The following WDPCP variants were observed in gnomAD, a reference collection of about 807,000 sequenced individuals.
The protein encoded by WDPCP is WD repeat containing planar cell polarity effector.
A neutral mutation model predicts 93.1 loss-of-function variants in WDPCP; 71 were observed. The observed-to-expected ratio is 0.76, with a 90% confidence interval of 0.63 to 0.93. The LOEUF is 0.93. Among genes scored for constraint, WDPCP ranks in the 40% least tolerant of loss-of-function variants. WDPCP has a pLI of 0.00. For synonymous variants in WDPCP, 315 were observed against 315.0 expected, an observed-to-expected ratio of 1.00 and a Z score of 0.00; for missense variants, 844 against 887.4, an observed-to-expected ratio of 0.95 and a Z score of 0.62.
upstream of WDPCP, among the ~76,000 whole-genome samples, chr2:63,592,657 G>A (rs1369985184): frequency 6.6e-6 from 1 of 152,224 alleles, no homozygotes. Flanking sequence ...GCCTGAAATA[G>A]CTTAAATAAA....
At chr2:63,589,114 T>G, upstream of WDPCP, 1 of 1,614,116 alleles carries the variant, frequency 6.2e-7, no homozygotes, top group Non-Finnish European at 8.5e-7. Context: ...TTCTTGCACT[T>G]TAGGGACTTT....
At chr2:63,443,841 G>A (rs1217120112) in intron 6 of WDPCP, among the ~76,000 whole-genome samples, 2 of 152,134 alleles carry the variant, frequency 1.3e-5, no homozygotes, top group Non-Finnish European at 2.9e-5. Flanking sequence ...TGTGGCACAT[G>A]AGAGAAAGAC....
At chr2:63,588,979 A>G (rs1709079172), upstream of WDPCP, 2 of 1,613,090 alleles carry the variant, frequency 1.2e-6, no homozygotes. Flanking sequence ...GTTCCGCGGT[A>G]GAGGTGACCT....
intron 12 of WDPCP, among the ~76,000 whole-genome samples, chr2:63,352,435 G>A (rs1159462597): frequency 1.3e-5 from 2 of 152,184 alleles, no homozygotes; most frequent in East Asian, 1.9e-4. Context: ...ATAAATTAAT[G>A]TATGGCAATA....
chr2:63,776,074 TATAC>T (rs59262674), intron 2 of WDPCP, among the ~76,000 whole-genome samples: 8,417 of 146,860 alleles, frequency 0.057, 248 homozygotes, highest in Non-Finnish European at 0.07. Context: ...TAAATACACA[TATAC>T]ATACATACAT....
rs1322667501 is a variant in WDPCP, at chr2:63,279,259, A to G, written c.1813-19850T>C. On this transcript the variant is annotated intron_variant, in intron 13 of 17. Coordinates refer to ENST00000272321, the MANE Select transcript of WDPCP (RefSeq NM_015910.7). ...ATAAAATACTAGCTAATTGAATCCA[A>G]CAGCCTATCAAAAAGATAATCCACC... is the stretch of plus-strand genomic sequence containing the variant. 2.0e-5 allele frequency among the ~76,000 whole-genome samples: 3 copies of G among 152,350 alleles called. No homozygotes were observed. In the East Asian group the frequency reaches 5.8e-4, roughly 29 times the overall value.
Position 63,174,744 on chromosome 2 carries a change from T to C in WDPCP, c.2004A>G (p.Pro668=), listed in dbSNP as rs542261088. The part of the protein sequence containing the change: ...SLAPQGEDSF[P]DNLPPSCPTH... ...TTGGGCAAGAGGGAGGGAGGTTATC[T>C]GGAAATGAGTCTTCTCCTTGAGGTG... is the stretch of plus-strand genomic sequence containing the variant. Residue 668 remains proline (P), a synonymous_variant, in exon 15 of 18, where the codon CCA becomes CCG. Coordinates refer to ENST00000272321, the MANE Select transcript of WDPCP (RefSeq NM_015910.7). The C allele has an allele frequency of 1.4e-5, 23 of 1,613,908 alleles. No homozygotes were observed. The highest frequency in any genetic ancestry group is 1.9e-5 in the Non-Finnish European group (22 of 1,179,956).
At chr2:63,215,123 C>T (rs1191930240) in intron 14 of WDPCP, among the ~76,000 whole-genome samples, 1 of 152,164 alleles carries the variant, frequency 6.6e-6, no homozygotes, top group Non-Finnish European at 1.5e-5. Context: ...GAAAAAACTA[C>T]TTTAAAGTTC....
At position 63,153,493 on chromosome 2, in the gene WDPCP, AC is replaced by A; in HGVS notation, c.2158+1del. On this transcript the variant is annotated splice_donor_variant, in intron 16 of 17. Coordinates refer to ENST00000272321, the MANE Select transcript of WDPCP (RefSeq NM_015910.7). LOFTEE classifies it high-confidence loss of function. ...ATACTTGGGTGTCTTGAATACCATTACCTTCTGCATTACAGGTATTAGTCAT... is the reference window on the plus strand; with the variant it reads ...ATACTTGGGTGTCTTGAATACCATTACTTCTGCATTACAGGTATTAGTCAT... 1 of 1,609,172 alleles carries A rather than the reference AC, an allele frequency of 6.2e-7. No homozygotes were observed. Among genetic ancestry groups the A allele is most frequent in the Non-Finnish European group, 8.5e-7 (1 of 1,176,096 alleles).
At chr2:63,742,149 A>G (rs990063665) in intron 2 of WDPCP, among the ~76,000 whole-genome samples, 1 of 151,978 alleles carries the variant, frequency 6.6e-6, no homozygotes. Flanking sequence ...CCCTATCTCT[A>G]ATAGTTCATC....
chr2:63,818,967 C>T lies in WDPCP; in HGVS notation n.223-5260G>A, dbSNP rs185700566. Among the ~76,000 whole-genome samples the T allele has an allele frequency of 5.3e-5, 8 of 152,108 alleles. 1 individual carries two copies. Among genetic ancestry groups the T allele is most frequent in the Middle Eastern group, 3.4e-3 (1 of 294 alleles). ...ACATATAAATATACATAAATACAAA[C>T]GTCTCTTGATATATATTTACTATAA... On this transcript the variant is annotated intron_variant and non_coding_transcript_variant, in intron 1 of 4. Transcript: ENST00000467687.
chr2:63,601,705 C>A (rs1438178621), intron 3 of WDPCP, among the ~76,000 whole-genome samples: 2 of 152,098 alleles, frequency 1.3e-5, no homozygotes, highest in Non-Finnish European at 2.9e-5. Context: ...GCAACAAGAA[C>A]AAAGGAAGGC....
intron 14 of WDPCP, among the ~76,000 whole-genome samples, chr2:63,204,166 C>A (rs550755293): frequency 1.3e-5 from 2 of 152,232 alleles, no homozygotes; most frequent in East Asian, 3.9e-4. Flanking sequence ...ACATTCCCAC[C>A]AACAGTGTAT....
intron 14 of WDPCP, among the ~76,000 whole-genome samples, chr2:63,223,573 C>G (rs913899798): frequency 1.3e-5 from 2 of 152,042 alleles, no homozygotes; most frequent in Admixed American, 6.6e-5. Flanking sequence ...GTGAATTCTG[C>G]GAAACATAAG....
intron 3 of WDPCP, among the ~76,000 whole-genome samples, chr2:63,614,765 G>A (rs1010759674): frequency 2.0e-5 from 3 of 152,148 alleles, no homozygotes; most frequent in African/African-American, 7.2e-5. Flanking sequence ...CCATACCTTG[G>A]AGGATGAAAT....
intron 6 of WDPCP, among the ~76,000 whole-genome samples, 183 bp downstream of exon 6, chr2:63,484,421 G>A (rs1351914343): frequency 6.6e-6 from 1 of 151,986 alleles, no homozygotes; most frequent in African/African-American, 2.4e-5. Flanking sequence ...ACTGATTAAT[G>A]AGCCTGGTGG....
At chr2:63,581,147 AT>A (rs747710321) in intron 1 of WDPCP, among the ~76,000 whole-genome samples, 5 of 152,238 alleles carry the variant, frequency 3.3e-5, no homozygotes, top group Non-Finnish European at 5.9e-5. Context: ...CGTAGAAGGC[AT>A]ACAAAGCTGT....
chr2:63,622,089 G>GCTTTTT, intron 3 of WDPCP: 3 of 549,142 alleles, frequency 5.5e-6, no homozygotes, highest in Non-Finnish European at 4.8e-6. Flanking sequence ...TTTTTTGGAA[G>GCTTTTT]TTGATTTTTA....
chr2:63,313,886 A>T (rs377213904), intron 12 of WDPCP, among the ~76,000 whole-genome samples: 1,552 of 74,364 alleles, frequency 0.021, 57 homozygotes, highest in South Asian at 0.033. Context: ...ATATATATAT[A>T]TTTTTTTTTT....
Sources: gnomAD v4.1 joint callset for allele counts (sites outside exome capture counted in the v4.1 genomes callset) on GRCh38, gnomAD v4.1.1 for gene constraint, MANE v1.5 for transcripts, NCBI Gene and HGNC (gene_info 2026-07-23, HGNC 2026-07-21) for gene names.